The following CFAP61 variants were observed in gnomAD, a reference collection of about 807,000 sequenced individuals.
CFAP61 encodes cilia- and flagella-associated protein 61.
In CFAP61, 107 loss-of-function variants were observed where a neutral mutation model predicts 135.6. The ratio of observed to expected loss-of-function variants is 0.79; its 90% CI spans 0.67 to 0.93. The LOEUF (loss-of-function observed/expected upper bound fraction) is 0.93, where lower values mean the gene tolerates loss of function less well. CFAP61 is among the 40% of genes least tolerant of loss of function. CFAP61 has a pLI of 0.00. For missense variants in CFAP61, 1,507 were observed against 1,556.2 expected, an observed-to-expected ratio of 0.97 and a Z score of 0.53; for synonymous variants, 575 against 578.5, an observed-to-expected ratio of 0.99 and a Z score of 0.09.
At chr20:20,128,919 C>T (rs1054077083) in intron 8 of CFAP61, among the ~76,000 whole-genome samples, 1 of 151,380 alleles carries the variant, frequency 6.6e-6, no homozygotes, top group African/African-American at 2.4e-5. Flanking sequence ...AACTCCATTC[C>T]CCAAGATTTT....
chr20:20,248,936 T>C (rs949431297), intron 19 of CFAP61, among the ~76,000 whole-genome samples: 4 of 152,224 alleles, frequency 2.6e-5, no homozygotes, highest in South Asian at 2.1e-4. Context: ...GAACTTTCTA[T>C]GAAGACAGTC....
chr20:20,342,346 A>G (rs918712767), intron 26 of CFAP61, among the ~76,000 whole-genome samples: 5 of 152,078 alleles, frequency 3.3e-5, no homozygotes, highest in African/African-American at 1.2e-4. Flanking sequence ...TCAAAAGCAC[A>G]CTCCTTTTAT....
chr20:20,278,821 T>A (rs1347957974), intron 22 of CFAP61, among the ~76,000 whole-genome samples: 1 of 152,216 alleles, frequency 6.6e-6, no homozygotes, highest in African/African-American at 2.4e-5. Flanking sequence ...AATTGTGTAT[T>A]CTACTCTGTA....
At position 20,290,715 on chromosome 20, in the gene CFAP61, A is replaced by G. The variant is rs567470373; in HGVS notation, c.3216+324A>G. On this transcript the variant is annotated intron_variant, in intron 24 of 26. Coordinates refer to ENST00000245957, the MANE Select transcript of CFAP61 (RefSeq NM_015585.4). ...GCACACTTCTAGATGACTTGCTGCC[A>G]TGCTGTAGGGACGCCTTTAGAGAGG... Among the ~76,000 whole-genome samples the G allele has an allele frequency of 2.0e-5, 3 of 152,358 alleles. No individual in the cohort carries two copies. The East Asian group carries it at 5.8e-4, about 29-fold the overall frequency.
intron 25 of CFAP61, among the ~76,000 whole-genome samples, chr20:20,316,289 C>A (rs1364777501): frequency 1.3e-5 from 2 of 151,884 alleles, no homozygotes; most frequent in East Asian, 3.9e-4. Flanking sequence ...GTATTTTATT[C>A]TCTTTGAAGC....
At chr20:20,145,005 C>G (rs1043811709) in intron 9 of CFAP61, among the ~76,000 whole-genome samples, 1 of 152,154 alleles carries the variant, frequency 6.6e-6, no homozygotes. Flanking sequence ...GCATCACCAG[C>G]AGACCCACAT....
chr20:20,261,483 G>C (rs2052207890), intron 20 of CFAP61, among the ~76,000 whole-genome samples: 1 of 152,170 alleles, frequency 6.6e-6, no homozygotes, highest in Admixed American at 6.5e-5. Context: ...TCTGCCAAAG[G>C]CCTCAGGCTC....
At chr20:20,093,527 C>T (rs1178367572) in intron 7 of CFAP61, among the ~76,000 whole-genome samples, 4 of 151,362 alleles carry the variant, frequency 2.6e-5, no homozygotes, top group South Asian at 2.1e-4. Flanking sequence ...CTCCACCTCC[C>T]GGGTTCAAGT....
rs909089089 is a variant in CFAP61 at position 20,172,323 on chromosome 20, T to A, written c.1385+2863T>A. On this transcript the variant is annotated intron_variant, in intron 13 of 26. Coordinates refer to ENST00000245957, the MANE Select transcript of CFAP61 (RefSeq NM_015585.4). ...GATTTTTTTGTTTTAATTAATAAACTTTTTTTTTTTTGAGACGGCATCTCA... is the reference window on the plus strand; with the variant it reads ...GATTTTTTTGTTTTAATTAATAAACATTTTTTTTTTTGAGACGGCATCTCA... 29 of 6,242 alleles carry A rather than the reference T, an allele frequency of 4.6e-3. No individual in the cohort carries two copies. The African/African-American group carries it at 0.061, about 13-fold the overall frequency. The allele number at this position is 6,242 out of a possible 1,614,324, so 0.4% of individuals were successfully genotyped here. A position where few individuals can be genotyped will look rare whatever the true frequency, so the allele number is the denominator to read the frequency against.
chr20:20,183,946 G>A (rs1040495330), intron 13 of CFAP61, among the ~76,000 whole-genome samples: 2 of 152,184 alleles, frequency 1.3e-5, no homozygotes, highest in African/African-American at 2.4e-5. Context: ...AATATGAATA[G>A]CAGAGATGAA....
intron 18 of CFAP61, among the ~76,000 whole-genome samples, chr20:20,244,337 T>C (rs1003948094): frequency 1.3e-5 from 2 of 152,242 alleles, no homozygotes; most frequent in Admixed American, 1.3e-4. Flanking sequence ...AACTTCTGCC[T>C]GGACATCCAG....
intron 22 of CFAP61, among the ~76,000 whole-genome samples, chr20:20,285,328 G>T (rs1443637439): frequency 6.7e-6 from 1 of 149,806 alleles, no homozygotes; most frequent in Non-Finnish European, 1.5e-5. Flanking sequence ...TGAACTTCTC[G>T]AATCCATAAA....
chr20:20,150,319 A>G (rs1229405832), intron 9 of CFAP61, among the ~76,000 whole-genome samples: 1 of 152,084 alleles, frequency 6.6e-6, no homozygotes, highest in African/African-American at 2.4e-5. Flanking sequence ...TGGGATCTTT[A>G]TGGCCCTGCC....
intron 25 of CFAP61, among the ~76,000 whole-genome samples, chr20:20,301,815 T>C (rs1055473232): frequency 6.6e-6 from 1 of 152,208 alleles, no homozygotes; most frequent in Admixed American, 6.5e-5. Flanking sequence ...ACTTTCTTTA[T>C]GATGTCAACA....
At chr20:20,074,261 A>C (rs56306018) in intron 3 of CFAP61, 41 bp from the exon 4 acceptor site, 1 of 1,566,904 alleles carries the variant, frequency 6.4e-7, no homozygotes, top group Non-Finnish European at 8.8e-7. Flanking sequence ...TAGCCCGAAT[A>C]CTGACTCAGC....
intron 13 of CFAP61, among the ~76,000 whole-genome samples, chr20:20,172,502 C>T (rs1256784353): frequency 1.3e-5 from 2 of 151,808 alleles, no homozygotes; most frequent in Admixed American, 6.6e-5. Flanking sequence ...TTTTTTTGTA[C>T]AGACAGGGTT....
At chr20:20,280,836 G>A (rs577298668) in intron 22 of CFAP61, among the ~76,000 whole-genome samples, 31 of 152,282 alleles carry the variant, frequency 2.0e-4, no homozygotes, top group African/African-American at 7.5e-4. Context: ...ATTTCCATCA[G>A]CAATGTATGA....
chr20:20,299,904 G>A (rs893106401), intron 25 of CFAP61, among the ~76,000 whole-genome samples: 5 of 152,188 alleles, frequency 3.3e-5, no homozygotes, highest in African/African-American at 1.2e-4. Context: ...CCCTAGAACC[G>A]CTGGGTCACG....
chr20:20,331,727 G>A (rs560476708), intron 25 of CFAP61, among the ~76,000 whole-genome samples: 9 of 152,140 alleles, frequency 5.9e-5, no homozygotes, highest in African/African-American at 2.2e-4. Flanking sequence ...CCCCTGACTC[G>A]TGGGGGTTTA....
Sources: allele counts gnomAD v4.1 joint callset (sites outside exome capture counted in the v4.1 genomes callset), GRCh38; gene constraint gnomAD v4.1.1; transcripts MANE v1.5; gene names NCBI Gene and HGNC (gene_info 2026-07-23, HGNC 2026-07-21).